MED12L: variants seen among roughly 807,000 people sequenced by gnomAD.
MED12L encodes mediator complex subunit 12L.
A neutral mutation model predicts 281.3 loss-of-function variants in MED12L; 60 were observed. The observed-to-expected ratio is 0.21, with a 90% CI of 0.17 to 0.26. The LOEUF (loss-of-function observed/expected upper bound fraction) is 0.26. Ranked by LOEUF, MED12L falls within the 10% of genes least tolerant of loss-of-function variation. MED12L has a pLI of 1.00. For synonymous variants in MED12L, 974 were observed against 987.2 expected (o/e 0.99, Z 0.25); for missense variants, 2,146 against 2,680.9 (o/e 0.80, Z 4.41).
chr3:151,094,867 GA>G, intron 2 of MED12L, among the ~76,000 whole-genome samples: 1 of 152,330 alleles, frequency 6.6e-6, no homozygotes, highest in South Asian at 2.1e-4. Context: ...CTGATTTAGA[GA>G]AATGGGTTTC....
At position 151,085,896 on chromosome 3, in the gene MED12L, C is replaced by T. The variant is rs1273216078; in HGVS notation, c.-170C>T. ...GGAGGCTGCGGCGGCCGGAGTGACC[C>T]CGCCGCCGCCAGCCCCAGCCCGCTA... is the stretch of plus-strand genomic sequence containing the variant. On this transcript the variant is annotated 5_prime_UTR_variant, in exon 1 of 45. Transcript: ENST00000687756. 6.6e-6 allele frequency: 1 copy of T among 152,144 alleles called. No individual in the cohort carries two copies. The highest frequency in any genetic ancestry group is 1.9e-4 in the East Asian group (1 of 5,142). The allele number at this position is 152,144 out of a possible 1,614,324, so 9.4% of individuals were successfully genotyped here.
intron 44 of MED12L, among the ~76,000 whole-genome samples, chr3:151,430,950 T>C (rs1294761426): frequency 1.3e-5 from 2 of 151,888 alleles, no homozygotes; most frequent in Non-Finnish European, 2.9e-5. Flanking sequence ...TGTTTTGTTT[T>C]GTTTTGTTTA....
intron 16 of MED12L, chr3:151,219,715 C>T (rs1259316141): frequency 6.6e-6 from 1 of 152,118 alleles, no homozygotes; most frequent in Non-Finnish European, 1.5e-5. Context: ...TATGTCTGTA[C>T]TTACTTCTTA....
intron 16 of MED12L, among the ~76,000 whole-genome samples, chr3:151,202,843 G>A (rs1256754240): frequency 1.3e-5 from 2 of 152,188 alleles, no homozygotes; most frequent in African/African-American, 2.4e-5. Context: ...TTATAAGATT[G>A]AGTTACTGAA....
At chr3:151,258,179 T>C (rs1298745207) in intron 16 of MED12L, among the ~76,000 whole-genome samples, 1 of 152,200 alleles carries the variant, frequency 6.6e-6, no homozygotes, top group African/African-American at 2.4e-5. Flanking sequence ...CGATATGGTA[T>C]GAGACCACTG....
At chr3:151,368,727 TTCATTTCATTTCATTTCATTTCATG>T (rs1755770724) in intron 25 of MED12L, among the ~76,000 whole-genome samples, 1 of 89,710 alleles carries the variant, frequency 1.1e-5, no homozygotes, top group African/African-American at 4.5e-5. Context: ...TTCATTTCAT[TTCATTTCATTTCATTTCATTTCATG>T]TCATTTCATT....
At chr3:151,120,427 G>C (rs927916478) in intron 3 of MED12L, among the ~76,000 whole-genome samples, 2 of 152,110 alleles carry the variant, frequency 1.3e-5, no homozygotes, top group African/African-American at 4.8e-5. Flanking sequence ...AATGTGAAAG[G>C]CTACTTATTT....
chr3:151,418,502 T>A (rs918393508), intron 43 of MED12L, among the ~76,000 whole-genome samples: 26 of 152,234 alleles, frequency 1.7e-4, no homozygotes, highest in Admixed American at 1.7e-3. Flanking sequence ...GTCTATGGAA[T>A]GTTTATTTTG....
At chr3:151,168,615 C>T (rs1196658676) in intron 11 of MED12L, among the ~76,000 whole-genome samples, 1 of 152,202 alleles carries the variant, frequency 6.6e-6, no homozygotes, top group East Asian at 1.9e-4. Flanking sequence ...ACTACGTTTT[C>T]AACCCATAAT....
chr3:151,377,201 T>C, intron 30 of MED12L, 23 bp downstream of exon 30: 1 of 1,584,344 alleles, frequency 6.3e-7, no homozygotes, highest in Non-Finnish European at 8.6e-7. Flanking sequence ...GTTGTTTTAT[T>C]GAACTGTCAT....
chr3:151,174,096 C>T (rs1721763161), intron 11 of MED12L, among the ~76,000 whole-genome samples: 1 of 152,098 alleles, frequency 6.6e-6, no homozygotes, highest in Admixed American at 6.6e-5. Context: ...GTTGAGCACC[C>T]CAGTTTGAAA....
At chr3:151,369,009 C>T (rs1297969713) in intron 25 of MED12L, among the ~76,000 whole-genome samples, 1 of 152,072 alleles carries the variant, frequency 6.6e-6, no homozygotes, top group East Asian at 1.9e-4. Flanking sequence ...GATCCACCTG[C>T]CTCGGCCTCC....
At chr3:151,373,094 C>T (rs962293141) in intron 27 of MED12L, among the ~76,000 whole-genome samples, 3 of 152,216 alleles carry the variant, frequency 2.0e-5, no homozygotes, top group Admixed American at 6.5e-5. Flanking sequence ...TATTTCATAA[C>T]ATAACCAAAA....
At chr3:151,229,305 C>CT (rs35097589) in intron 16 of MED12L, among the ~76,000 whole-genome samples, 3,844 of 112,492 alleles carry the variant, frequency 0.034, 162 homozygotes, top group African/African-American at 0.079. Context: ...TTCAGCAATT[C>CT]TTTTTTTTTT....
At chr3:151,281,934 G>A (rs1474961489) in intron 16 of MED12L, among the ~76,000 whole-genome samples, 2 of 152,116 alleles carry the variant, frequency 1.3e-5, no homozygotes, top group Admixed American at 6.5e-5. Flanking sequence ...TATCCAGGCC[G>A]TCATCGACTG....
rs1039417598 is a variant in MED12L, at chr3:151,382,600, A to G, written c.4591-56A>G. The G allele has an allele frequency of 3.9e-6, 5 of 1,285,494 alleles. No individual in the cohort carries two copies. In the African/African-American group the frequency reaches 4.5e-5, roughly 12 times the overall value. 79.6% of individuals were successfully genotyped at this position (1,285,494 alleles called of 1,614,324 possible). Reference sequence around the variant, plus strand: ...TTGCTATCAGTATAAAGCTCAATTTATCTTTAAATGAGAGAAAAATTAAAC... The same window carrying G: ...TTGCTATCAGTATAAAGCTCAATTTGTCTTTAAATGAGAGAAAAATTAAAC... On this transcript the variant is annotated intron_variant, in intron 32 of 44. Transcript: ENST00000687756.
intron 16 of MED12L, among the ~76,000 whole-genome samples, chr3:151,219,305 T>G (rs1402946864): frequency 6.6e-6 from 1 of 152,226 alleles, no homozygotes; most frequent in Non-Finnish European, 1.5e-5. Flanking sequence ...AAAGCATTGC[T>G]CACTCCAGAA....
intron 5 of MED12L, among the ~76,000 whole-genome samples, chr3:151,132,753 TATCTA>T: frequency 6.6e-6 from 1 of 152,234 alleles, no homozygotes; most frequent in East Asian, 1.9e-4. Context: ...GTTTTCCAAA[TATCTA>T]ATCTTGTTTT....
At chr3:151,137,191 GAA>G (rs1030610477) in intron 5 of MED12L, among the ~76,000 whole-genome samples, 1 of 146,962 alleles carries the variant, frequency 6.8e-6, no homozygotes, top group South Asian at 2.2e-4. Flanking sequence ...AAAAAAGAAC[GAA>G]AAAAAGTTTA....
Sources: gnomAD v4.1 joint callset for allele counts (sites outside exome capture counted in the v4.1 genomes callset) on GRCh38, gnomAD v4.1.1 for gene constraint, MANE v1.5 for transcripts, NCBI Gene and HGNC (gene_info 2026-07-23, HGNC 2026-07-21) for gene names.